The following TAFA1 variants were observed in gnomAD, a reference collection of about 807,000 sequenced individuals.
TAFA1 encodes the protein TAFA chemokine like family member 1, also known as chemokine-like protein TAFA-1.
Under a neutral mutation model 18.5 loss-of-function variants are expected in TAFA1, and 4 were observed. The ratio of observed to expected loss-of-function variants is 0.22; its 90% confidence interval spans 0.11 to 0.49. The LOEUF is 0.49. Ranked by LOEUF, TAFA1 falls within the 20% of genes least tolerant of loss-of-function variation. TAFA1 has a pLI of 0.98. For synonymous variants in TAFA1, 56 were observed against 55.2 expected, an observed-to-expected ratio of 1.01 and a Z score of -0.06; for missense variants, 147 against 169.0, an observed-to-expected ratio of 0.87 and a Z score of 0.72.
At chr3:68,432,323 G>A (rs2071190378) in intron 3 of TAFA1, among the ~76,000 whole-genome samples, 1 of 151,954 alleles carries the variant, frequency 6.6e-6, no homozygotes, top group African/African-American at 2.4e-5. Flanking sequence ...GCATGGAAGA[G>A]TTGAAGGGAA....
intron 3 of TAFA1, among the ~76,000 whole-genome samples, chr3:68,443,043 T>A (rs1001040336): frequency 2.0e-5 from 3 of 152,150 alleles, no homozygotes; most frequent in Admixed American, 1.3e-4. Flanking sequence ...CTCTGTTATA[T>A]ATGACTACAA....
rs187407253 is a variant in TAFA1, at chr3:68,432,644, G to A, written c.259+15224G>A. Among the ~76,000 whole-genome samples, 8 of 152,130 alleles carry A rather than the reference G, an allele frequency of 5.3e-5. No individual in the cohort carries two copies. In the East Asian group the frequency reaches 1.6e-3, roughly 30 times the overall value. Reference sequence around the variant, plus strand: ...GAAAAGTCTGTATCCCATCAGGCATGATAAGAGGAGACAAGTTGAACGCGA... The same window carrying A: ...GAAAAGTCTGTATCCCATCAGGCATAATAAGAGGAGACAAGTTGAACGCGA... On this transcript the variant is annotated intron_variant, in intron 3 of 4. Transcript: ENST00000478136.
At chr3:68,318,223 T>C (rs1184601755) in intron 2 of TAFA1, among the ~76,000 whole-genome samples, 2 of 152,128 alleles carry the variant, frequency 1.3e-5, no homozygotes, top group South Asian at 2.1e-4. Context: ...CCAAGGCAAA[T>C]TGTGCCCTTC....
chr3:68,043,943 A>G (rs1705217918), intron 2 of TAFA1, among the ~76,000 whole-genome samples: 1 of 152,128 alleles, frequency 6.6e-6, no homozygotes, highest in African/African-American at 2.4e-5. Context: ...AGAAAGAAAA[A>G]TTCATTTCTG....
At chr3:68,494,446 A>ATCC (rs1280871118) in intron 3 of TAFA1, among the ~76,000 whole-genome samples, 3 of 152,202 alleles carry the variant, frequency 2.0e-5, no homozygotes, top group African/African-American at 7.2e-5. Context: ...CCCAGATGTT[A>ATCC]TGCTGAATAT....
intron 2 of TAFA1, among the ~76,000 whole-genome samples, chr3:68,083,118 G>T (rs572937922): frequency 6.6e-6 from 1 of 152,084 alleles, no homozygotes; most frequent in Non-Finnish European, 1.5e-5. Flanking sequence ...AATGGAGCCC[G>T]AAAGGAAAAA....
chr3:68,496,131 G>A (rs2106693646), intron 3 of TAFA1, among the ~76,000 whole-genome samples: 1 of 152,094 alleles, frequency 6.6e-6, no homozygotes, highest in African/African-American at 2.4e-5. Context: ...GGGTAGCAAG[G>A]CCTACCCTTT....
At chr3:68,387,623 T>C (rs141346544) in intron 2 of TAFA1, among the ~76,000 whole-genome samples, 211 of 152,232 alleles carry the variant, frequency 1.4e-3, no homozygotes, top group African/African-American at 4.5e-3. Context: ...ATGTATTAGA[T>C]TGATTTATTT....
At chr3:68,056,960 G>A (rs1033461701) in intron 2 of TAFA1, among the ~76,000 whole-genome samples, 1 of 152,152 alleles carries the variant, frequency 6.6e-6, no homozygotes, top group Non-Finnish European at 1.5e-5. Context: ...CCCCTGTTAA[G>A]TTGACATCAT....
chr3:68,017,862 T>C (rs553471285), intron 2 of TAFA1, among the ~76,000 whole-genome samples: 4 of 152,310 alleles, frequency 2.6e-5, no homozygotes, highest in Admixed American at 2.0e-4. Context: ...TAGGGTACTA[T>C]GTAATCATAA....
intron 2 of TAFA1, among the ~76,000 whole-genome samples, chr3:68,316,597 C>T (rs2068609761): frequency 6.6e-6 from 1 of 151,906 alleles, no homozygotes; most frequent in African/African-American, 2.4e-5. Context: ...TAATAAAAAC[C>T]TTTTAGTTTT....
chr3:68,020,794 T>C (rs1437061507), intron 2 of TAFA1, among the ~76,000 whole-genome samples: 1 of 152,166 alleles, frequency 6.6e-6, no homozygotes, highest in Non-Finnish European at 1.5e-5. Flanking sequence ...TGGCCACATG[T>C]TCTAAGTCAA....
At chr3:68,403,898 A>G (rs1291995422) in intron 2 of TAFA1, among the ~76,000 whole-genome samples, 1 of 152,200 alleles carries the variant, frequency 6.6e-6, no homozygotes, top group Non-Finnish European at 1.5e-5. Context: ...AAAACAGTCA[A>G]TGCCTCCTCC....
rs548091421 is a variant in TAFA1 at position 68,363,884 on chromosome 3, A to G, written c.119-53396A>G. On this transcript the variant is annotated intron_variant, in intron 2 of 4. Coordinates refer to ENST00000478136, the MANE Select transcript of TAFA1 (RefSeq NM_213609.4). ...TTCTCAAGGTTACAACATTGCGAAC[A>G]TAAGTTTTTACCCATTACCTTACTC... Among the ~76,000 whole-genome samples, 13 of 152,266 alleles carry G rather than the reference A, an allele frequency of 8.5e-5. No homozygotes were observed. In the East Asian group the frequency reaches 2.1e-3, roughly 25 times the overall value.
chr3:68,419,946 G>C (rs1022620152), intron 3 of TAFA1, among the ~76,000 whole-genome samples: 4 of 152,072 alleles, frequency 2.6e-5, no homozygotes, highest in African/African-American at 9.7e-5. Context: ...CTCTGATCTC[G>C]TTTACCTAGT....
At chr3:68,042,258 T>C (rs1298621809) in intron 2 of TAFA1, among the ~76,000 whole-genome samples, 1 of 19,322 alleles carries the variant, frequency 5.2e-5, no homozygotes, top group African/African-American at 9.6e-5. Flanking sequence ...TTCCCCAGTG[T>C]TTGAGACATA....
At chr3:68,014,181 A>ATAC (rs1416086778) in intron 2 of TAFA1, among the ~76,000 whole-genome samples, 1 of 152,236 alleles carries the variant, frequency 6.6e-6, no homozygotes, top group African/African-American at 2.4e-5. Context: ...TTTCAAGTGA[A>ATAC]TACAGAATGT....
At chr3:68,273,357 G>A (rs951075032) in intron 2 of TAFA1, among the ~76,000 whole-genome samples, 2 of 152,192 alleles carry the variant, frequency 1.3e-5, no homozygotes, top group Non-Finnish European at 2.9e-5. Context: ...CAGATCACAC[G>A]TGGCCTTGTA....
At chr3:68,163,057 T>G (rs2065944428) in intron 2 of TAFA1, among the ~76,000 whole-genome samples, 1 of 152,226 alleles carries the variant, frequency 6.6e-6, no homozygotes, top group African/African-American at 2.4e-5. Flanking sequence ...TTCTATAAAC[T>G]TAATGACTAG....
Sources: allele counts gnomAD v4.1 joint callset (sites outside exome capture counted in the v4.1 genomes callset), GRCh38; gene constraint gnomAD v4.1.1; transcripts MANE v1.5; gene names NCBI Gene and HGNC (gene_info 2026-07-23, HGNC 2026-07-21).